The following GRIA4 variants were observed in gnomAD, a reference collection of about 807,000 sequenced individuals.
GRIA4 encodes glutamate receptor 4.
In GRIA4, 34 loss-of-function variants were observed where a neutral mutation model predicts 104.0. The ratio of observed to expected loss-of-function variants is 0.33; its 90% CI spans 0.25 to 0.44. The LOEUF is 0.44. Among genes scored for constraint, GRIA4 ranks in the 20% least tolerant of loss-of-function variants. The probability of loss-of-function intolerance (pLI) is 1.00; values close to 1 mark genes in which losing one functional copy is unlikely to be tolerated. For missense variants in GRIA4, 750 were observed against 1,096.5 expected (o/e 0.68, Z 4.46); for synonymous variants, 386 against 381.9 (o/e 1.01, Z -0.13).
At chr11:105,686,257 C>T (rs1434553037) in intron 3 of GRIA4, among the ~76,000 whole-genome samples, 1 of 152,114 alleles carries the variant, frequency 6.6e-6, no homozygotes, top group Non-Finnish European at 1.5e-5. Flanking sequence ...TCAGTGTTTA[C>T]TGTTGCCATC....
chr11:105,866,551 G>A (rs10750735), intron 5 of GRIA4, among the ~76,000 whole-genome samples: 30,131 of 73,886 alleles, frequency 0.41, 6,420 homozygotes, highest in Middle Eastern at 0.49. Flanking sequence ...GTGTGTGTGT[G>A]TATATATATA....
chr11:105,908,138 T>C (rs111757910), intron 9 of GRIA4, among the ~76,000 whole-genome samples: 29 of 152,304 alleles, frequency 1.9e-4, no homozygotes, highest in African/African-American at 6.7e-4. Flanking sequence ...CTCTATGTTC[T>C]AGGCCAAGAT....
At chr11:105,817,505 C>T (rs1178620379) in intron 4 of GRIA4, among the ~76,000 whole-genome samples, 1 of 151,168 alleles carries the variant, frequency 6.6e-6, no homozygotes, top group Non-Finnish European at 1.5e-5. Flanking sequence ...TTTTTCTATT[C>T]ATTCCTTTAC....
chr11:105,665,918 G>A (rs1407349710), intron 3 of GRIA4, among the ~76,000 whole-genome samples: 2 of 152,024 alleles, frequency 1.3e-5, no homozygotes, highest in African/African-American at 2.4e-5. Flanking sequence ...TTGCTTGCTT[G>A]CATGTACGTG....
chr11:105,726,459 G>A (rs190741805), intron 3 of GRIA4, among the ~76,000 whole-genome samples: 19 of 152,254 alleles, frequency 1.2e-4, no homozygotes, highest in East Asian at 1.2e-3. Context: ...GCAGCTGTGG[G>A]TGCACCTTCA....
chr11:105,667,654 C>T (rs1369957977), intron 3 of GRIA4, among the ~76,000 whole-genome samples: 2 of 151,852 alleles, frequency 1.3e-5, no homozygotes, highest in Non-Finnish European at 2.9e-5. Flanking sequence ...TTGTGTCCCT[C>T]TCATTTATCT....
chr11:105,940,207 A>G (rs1948149434), intron 14 of GRIA4, among the ~76,000 whole-genome samples: 1 of 152,040 alleles, frequency 6.6e-6, no homozygotes, highest in South Asian at 2.1e-4. Context: ...TCTACAAAAA[A>G]TAGAAAAATT....
At chr11:105,780,114 C>T (rs200839495) in intron 4 of GRIA4, among the ~76,000 whole-genome samples, 16 of 152,220 alleles carry the variant, frequency 1.1e-4, no homozygotes, top group South Asian at 4.2e-4. Context: ...TCTTCCCCCA[C>T]GCTTTTAAGC....
At chr11:105,863,913 A>G (rs1945316791) in intron 5 of GRIA4, among the ~76,000 whole-genome samples, 1 of 152,236 alleles carries the variant, frequency 6.6e-6, no homozygotes, top group African/African-American at 2.4e-5. Context: ...TAAACTCTGA[A>G]TAAGCCGTAA....
At chr11:105,666,737 CT>C (rs1952177782) in intron 3 of GRIA4, among the ~76,000 whole-genome samples, 1 of 151,644 alleles carries the variant, frequency 6.6e-6, no homozygotes, top group African/African-American at 2.4e-5. Context: ...GGCTTTCTTT[CT>C]TTTTTTCAAC....
chr11:105,728,101 C>T (rs1329877913), intron 3 of GRIA4, among the ~76,000 whole-genome samples: 1 of 152,100 alleles, frequency 6.6e-6, no homozygotes, highest in East Asian at 1.9e-4. Context: ...AGAATCAAGA[C>T]CTATCAGTGT....
intron 10 of GRIA4, chr11:105,912,871 C>A: frequency 2.0e-6 from 2 of 980,758 alleles, no homozygotes; most frequent in Non-Finnish European, 1.2e-6. Context: ...ATGTAATTAT[C>A]CCCAGATTCA....
At chr11:105,653,065 C>T (rs761789196) in intron 3 of GRIA4, among the ~76,000 whole-genome samples, 5 of 152,110 alleles carry the variant, frequency 3.3e-5, no homozygotes, top group African/African-American at 4.8e-5. Context: ...GCACACGCCA[C>T]CACACCCGAC....
intron 16 of GRIA4, 120 bp from the exon 17 acceptor site, chr11:105,979,455 T>C: frequency 1.1e-6 from 1 of 870,616 alleles, no homozygotes; most frequent in South Asian, 1.6e-5. Flanking sequence ...CAAAAGAACA[T>C]GGAAAAAATG....
At chr11:105,740,149 G>A (rs1939214992) in intron 3 of GRIA4, among the ~76,000 whole-genome samples, 1 of 151,980 alleles carries the variant, frequency 6.6e-6, no homozygotes, top group Non-Finnish European at 1.5e-5. Flanking sequence ...TGTCTTAACT[G>A]AGTTAAGATT....
chr11:105,627,704 G>A (rs1591462717), intron 3 of GRIA4, among the ~76,000 whole-genome samples: 1 of 152,092 alleles, frequency 6.6e-6, no homozygotes, highest in Admixed American at 6.6e-5. Context: ...TGTATCTTCC[G>A]AACTGCAAAC....
intron 3 of GRIA4, among the ~76,000 whole-genome samples, chr11:105,746,160 CAAGT>C (rs1363608789): frequency 6.6e-6 from 1 of 151,590 alleles, no homozygotes; most frequent in Non-Finnish European, 1.5e-5. Context: ...GGAAAAAAGA[CAAGT>C]AATTGTATAA....
intron 14 of GRIA4, among the ~76,000 whole-genome samples, chr11:105,942,552 C>T (rs529012535): frequency 3.3e-5 from 5 of 152,142 alleles, no homozygotes; most frequent in East Asian, 1.9e-4. Flanking sequence ...AATACACTTA[C>T]GGTGACTTGC....
At chr11:105,846,299 T>C (rs971971629) in intron 4 of GRIA4, among the ~76,000 whole-genome samples, 4 of 152,176 alleles carry the variant, frequency 2.6e-5, no homozygotes, top group Admixed American at 2.6e-4. Context: ...GCATATAAAT[T>C]GTTTTGACAA....
Sources: gnomAD v4.1 joint callset for allele counts (sites outside exome capture counted in the v4.1 genomes callset) on GRCh38, gnomAD v4.1.1 for gene constraint, MANE v1.5 for transcripts, NCBI Gene and HGNC (gene_info 2026-07-23, HGNC 2026-07-21) for gene names.